STON2: variants seen among roughly 807,000 people sequenced by gnomAD.
STON2 encodes stonin-2.
Under a neutral mutation model 65.7 loss-of-function variants are expected in STON2, and 29 were observed. That is an observed-to-expected ratio of 0.44 (90% confidence interval 0.33 to 0.60). STON2 has a LOEUF of 0.60. STON2 is among the 20% of genes least tolerant of loss of function. The pLI is 0.03. For synonymous variants in STON2, 404 were observed against 414.2 expected (o/e 0.98, Z 0.30); for missense variants, 1,054 against 1,118.1 (o/e 0.94, Z 0.82).
chr14:81,436,414 T>A (rs1902430825), exon 1 of STON2: 3 of 151,544 alleles, frequency 2.0e-5, no homozygotes, highest in Admixed American at 1.3e-4. Flanking sequence ...CCGGCCGCAC[T>A]GCTCTCGCCA....
chr14:81,262,176 T>C lies in STON2; in HGVS notation c.*6238A>G, dbSNP rs1259777382. 14 of 985,248 alleles carry C rather than the reference T, an allele frequency of 1.4e-5. No homozygotes were observed. The highest frequency in any genetic ancestry group is 1.6e-5 in the Non-Finnish European group (13 of 829,886). 61.0% of individuals were successfully genotyped at this position (985,248 alleles called of 1,614,324 possible). A position where few individuals can be genotyped will look rare whatever the true frequency, so the allele number is the denominator to read the frequency against. On this transcript the variant is annotated 3_prime_UTR_variant, in exon 8 of 8. Coordinates refer to ENST00000614646, the MANE Select transcript of STON2 (RefSeq NM_001394390.1). The stretch of plus-strand genomic sequence containing the variant: ...TTTGTCTCAGGAAACTGAAGCCCAA[T>C]TGGGAAAACAGCAACTTACTTAACA...
intron 5 of STON2, among the ~76,000 whole-genome samples, chr14:81,281,345 T>G (rs775190028): frequency 6.6e-6 from 1 of 152,202 alleles, no homozygotes; most frequent in Non-Finnish European, 1.5e-5. Flanking sequence ...CTGAGTGAAA[T>G]ATAATCACTT....
At chr14:81,299,481 G>C (rs1895889238) in intron 5 of STON2, among the ~76,000 whole-genome samples, 1 of 152,172 alleles carries the variant, frequency 6.6e-6, no homozygotes, top group African/African-American at 2.4e-5. Context: ...CTTAGGCATT[G>C]CAACAAGGCA....
At chr14:81,413,521 C>T (rs1359449327) in intron 2 of STON2, among the ~76,000 whole-genome samples, 3 of 139,932 alleles carry the variant, frequency 2.1e-5, no homozygotes, top group Non-Finnish European at 3.0e-5. Context: ...GTTGGCCGGG[C>T]GCAGTGGCTC....
Position 81,277,817 on chromosome 14 carries a change from G to A in STON2, c.1665C>T (p.Ser555=). ...QNYDENGRIH[S]LRIDRVTYKE... ...TATAGGTGACACGGTCTATCCGCAA[G>A]CTGTGGATTCTGCCATTCTCATCAT... Residue 555 remains serine (S), a synonymous_variant, in exon 6 of 8, where the codon AGC becomes AGT. Transcript: ENST00000614646. 1.2e-6 allele frequency: 2 copies of A among 1,614,164 alleles called. No homozygotes were observed. Among genetic ancestry groups the A allele is most frequent in the Non-Finnish European group, 1.7e-6 (2 of 1,180,010 alleles).
intron 3 of STON2, among the ~76,000 whole-genome samples, chr14:81,390,580 AAAACAAACAAACAAAC>A (rs142075412): frequency 6.6e-6 from 1 of 152,190 alleles, no homozygotes; most frequent in Non-Finnish European, 1.5e-5. Flanking sequence ...AACAAAACAA[AAAACAAACAAACAAAC>A]AAACAAACAA....
intron 4 of STON2, among the ~76,000 whole-genome samples, chr14:81,362,371 A>C (rs1316757680): frequency 2.0e-5 from 3 of 152,212 alleles, no homozygotes; most frequent in Non-Finnish European, 4.4e-5. Context: ...GGTAAGTGAA[A>C]TAAGCCAGGC....
Position 81,268,129 on chromosome 14 carries a change from C to T in STON2, c.*285G>A, listed in dbSNP as rs111302684. The T allele has an allele frequency of 9.4e-6, 10 of 1,058,930 alleles. No homozygotes were observed. The African/African-American group carries it at 1.2e-4, about 13-fold the overall frequency. The allele number at this position is 1,058,930 out of a possible 1,614,324, so 65.6% of individuals were successfully genotyped here. ...ACCAGTGCTGTGAGATAAGCAGAGACAAGACAAGGAGGCTTAATTATACAG... is the reference window on the plus strand; with the variant it reads ...ACCAGTGCTGTGAGATAAGCAGAGATAAGACAAGGAGGCTTAATTATACAG... On this transcript the variant is annotated 3_prime_UTR_variant, in exon 8 of 8. Coordinates refer to ENST00000614646, the MANE Select transcript of STON2 (RefSeq NM_001394390.1).
intron 5 of STON2, among the ~76,000 whole-genome samples, chr14:81,285,006 C>T (rs1895279490): frequency 6.6e-6 from 1 of 152,186 alleles, no homozygotes; most frequent in Admixed American, 6.5e-5. Flanking sequence ...AAAAGAGGTT[C>T]CTTCCAAAAA....
At chr14:81,327,557 T>C (rs1167238776) in intron 4 of STON2, among the ~76,000 whole-genome samples, 1 of 152,214 alleles carries the variant, frequency 6.6e-6, no homozygotes, top group Non-Finnish European at 1.5e-5. Flanking sequence ...GTTCTGGTAT[T>C]TGTGCACTTA....
intron 5 of STON2, among the ~76,000 whole-genome samples, chr14:81,298,124 T>C (rs768730842): frequency 3.0e-4 from 46 of 152,136 alleles, no homozygotes; most frequent in Non-Finnish European, 5.9e-5. Flanking sequence ...ATCAGGAATC[T>C]GTAATTAGAA....
intron 1 of STON2, chr14:81,436,170 G>C (rs1191017735): frequency 6.6e-6 from 1 of 151,994 alleles, no homozygotes; most frequent in African/African-American, 2.4e-5. Context: ...GGCTCGACCA[G>C]GCAGGCTCGG....
rs762445454 is a variant in STON2, at chr14:81,371,019, C to T, written c.540G>A (p.Thr180=). The T allele has an allele frequency of 1.2e-6, 2 of 1,612,980 alleles. No individual in the cohort carries two copies. The highest frequency in any genetic ancestry group is 1.7e-6 in the Non-Finnish European group (2 of 1,180,008). ...DLQLINAEEQ[T]SGQASGADST... is the part of the protein sequence containing the mutation. ...AGTCAGCCCCAGAAGCCTGGCCACT[C>T]GTCTGCTCCTCAGCATTGATGAGCT... Residue 180 remains threonine, a synonymous_variant, in exon 4 of 8, where the codon ACG becomes ACA. Coordinates refer to ENST00000614646, the MANE Select transcript of STON2 (RefSeq NM_001394390.1).
chr14:81,410,629 C>T (rs1444263064), intron 2 of STON2, among the ~76,000 whole-genome samples: 2 of 152,168 alleles, frequency 1.3e-5, no homozygotes, highest in Non-Finnish European at 2.9e-5. Flanking sequence ...GTACCCTGAG[C>T]AGGGAACCCA....
At chr14:81,407,440 T>C (rs955241879) in intron 2 of STON2, among the ~76,000 whole-genome samples, 1 of 152,246 alleles carries the variant, frequency 6.6e-6, no homozygotes, top group Non-Finnish European at 1.5e-5. Flanking sequence ...TGCTATATAA[T>C]ACAAAAACAT....
chr14:81,335,110 C>T (rs1293706274), intron 4 of STON2, among the ~76,000 whole-genome samples: 1 of 151,902 alleles, frequency 6.6e-6, no homozygotes, highest in Non-Finnish European at 1.5e-5. Flanking sequence ...AAGTGATCCA[C>T]CTGCTTCGGC....
chr14:81,331,169 T>C (rs1897199167), intron 4 of STON2, among the ~76,000 whole-genome samples: 1 of 152,254 alleles, frequency 6.6e-6, no homozygotes, highest in South Asian at 2.1e-4. Flanking sequence ...CTTTTCTCTT[T>C]CTAAGATAAA....
intron 1 of STON2, among the ~76,000 whole-genome samples, chr14:81,433,420 G>C (rs1902292792): frequency 6.6e-6 from 1 of 152,196 alleles, no homozygotes; most frequent in Non-Finnish European, 1.5e-5. Context: ...TTCAGTGGCT[G>C]CTCCCTGCCA....
At chr14:81,342,464 T>C (rs893150753) in intron 4 of STON2, among the ~76,000 whole-genome samples, 13 of 152,066 alleles carry the variant, frequency 8.5e-5, no homozygotes, top group African/African-American at 2.9e-4. Flanking sequence ...CTCGGAATCC[T>C]TGGAGCTCCA....
Sources: allele counts gnomAD v4.1 joint callset (sites outside exome capture counted in the v4.1 genomes callset), GRCh38; gene constraint gnomAD v4.1.1; transcripts MANE v1.5; gene names NCBI Gene and HGNC (gene_info 2026-07-23, HGNC 2026-07-21).